The following CILK1 variants were observed in gnomAD, a reference collection of about 807,000 sequenced individuals.
CILK1 encodes the protein serine/threonine-protein kinase ICK.
Under a neutral mutation model 79.2 loss-of-function variants are expected in CILK1, and 47 were observed. The ratio of observed to expected loss-of-function variants is 0.59; its 90% CI spans 0.47 to 0.76. The LOEUF is 0.76. Ranked by LOEUF, CILK1 falls within the 30% of genes least tolerant of loss-of-function variation. CILK1 has a pLI of 0.00. For missense variants in CILK1, 660 were observed against 769.5 expected, an observed-to-expected ratio of 0.86 and a Z score of 1.68; for synonymous variants, 266 against 275.9, an observed-to-expected ratio of 0.96 and a Z score of 0.36.
chr6:53,016,253 G>A lies in CILK1; in HGVS notation c.664-3C>T. 6.2e-7 allele frequency: 1 copy of A among 1,613,936 alleles called. No individual in the cohort carries two copies. Among genetic ancestry groups the A allele is most frequent in the East Asian group, 2.2e-5 (1 of 44,876 alleles). On this transcript the variant is annotated splice_region_variant and splice_polypyrimidine_tract_variant and intron_variant, in intron 7 of 13. Transcript: ENST00000676107. ...TGATAGCCTTCAGGCCAGTCAGTCT[G>A]AAAGAAGGAAAAGATAGAAAATCTT...
chr6:53,033,451 T>C (rs1766101348), intron 3 of CILK1, among the ~76,000 whole-genome samples: 1 of 152,316 alleles, frequency 6.6e-6, no homozygotes, highest in South Asian at 2.1e-4. Context: ...GCTAGTTCTG[T>C]TGATAGTGAA....
chr6:53,056,385 C>T (rs969741779), intron 1 of CILK1, among the ~76,000 whole-genome samples: 3 of 152,174 alleles, frequency 2.0e-5, no homozygotes, highest in African/African-American at 7.2e-5. Context: ...TCTCCATCTC[C>T]GTCACAACTC....
At chr6:53,027,885 T>C (rs222456) in intron 5 of CILK1, among the ~76,000 whole-genome samples, 141,186 of 152,032 alleles carry the variant, frequency 0.93, 65,640 homozygotes, top group East Asian at 1. Context: ...CAGTGGCTCA[T>C]GCCTGTAATC....
chr6:53,013,738 T>G lies in CILK1; in HGVS notation c.1076A>C (p.Asp359Ala), dbSNP rs1292060651. The change falls in exon 9 of 14, where the codon GAT becomes GCT. Residue 359 changes from aspartate (D) to alanine (A), a missense_variant. Asp to Ala is a moderately radical substitution (Grantham distance 126). Transcript: ENST00000676107. ...GTCCTCCTGGAGATGGCTTGGGTGA[T>G]CTGTCCTGGAGACCTCTGCTTTGTA... The part of the protein sequence containing the change: ...YPYKAEVSRT[D>A]HPSHLQEDKP... 2 of 1,614,116 alleles carry G rather than the reference T, an allele frequency of 1.2e-6. No homozygotes were observed. The highest frequency in any genetic ancestry group is 2.2e-5 in the South Asian group (2 of 91,070).
chr6:53,054,157 G>T (rs979611758), intron 1 of CILK1, among the ~76,000 whole-genome samples: 1 of 152,046 alleles, frequency 6.6e-6, no homozygotes, highest in Non-Finnish European at 1.5e-5. Flanking sequence ...ATTAAACATC[G>T]ATTCCTTCTC....
rs77785758 is a variant in CILK1, at chr6:53,033,023, C to T, written c.157-369G>A. 2.2e-4 allele frequency among the ~76,000 whole-genome samples: 34 copies of T among 152,272 alleles called. No individual in the cohort carries two copies. The East Asian group carries it at 6.4e-3, about 29-fold the overall frequency. The stretch of plus-strand genomic sequence containing the variant: ...AAAAGAAGCTTAGATTTTTCTAGCA[C>T]TGGAGAATTTGCAGCTGCAGTGGGC... On this transcript the variant is annotated intron_variant, in intron 3 of 13. Transcript: ENST00000676107.
chr6:53,026,246 C>A (rs1007336429), intron 5 of CILK1, among the ~76,000 whole-genome samples: 7 of 152,164 alleles, frequency 4.6e-5, no homozygotes, highest in African/African-American at 1.7e-4. Context: ...CTCACTGCAA[C>A]CTTTGCCTCC....
intron 1 of CILK1, among the ~76,000 whole-genome samples, chr6:53,043,129 A>C (rs906145868): frequency 6.6e-6 from 1 of 152,066 alleles, no homozygotes; most frequent in African/African-American, 2.4e-5. Context: ...CAGCCTGGCC[A>C]ACATGGTGAA....
At chr6:53,060,196 A>G (rs1309839616) in intron 1 of CILK1, among the ~76,000 whole-genome samples, 1 of 152,232 alleles carries the variant, frequency 6.6e-6, no homozygotes, top group Non-Finnish European at 1.5e-5. Context: ...AAACTGCTAA[A>G]TGGCTTGTTT....
intron 1 of CILK1, among the ~76,000 whole-genome samples, chr6:53,058,793 T>A (rs72934807): frequency 0.01 from 1,517 of 151,430 alleles, 11 homozygotes; most frequent in Non-Finnish European, 0.017. Context: ...ATACACACAC[T>A]CACATAGATC....
intron 11 of CILK1, among the ~76,000 whole-genome samples, chr6:53,010,398 C>T (rs553424058): frequency 6.6e-6 from 1 of 152,220 alleles, no homozygotes; most frequent in African/African-American, 2.4e-5. Flanking sequence ...TCTCCCTCAC[C>T]TGGATGACAG....
chr6:53,035,008 T>C (rs568681815), intron 3 of CILK1, among the ~76,000 whole-genome samples: 1 of 152,294 alleles, frequency 6.6e-6, no homozygotes, highest in East Asian at 1.9e-4. Flanking sequence ...AGTTTGGTTC[T>C]GAGGGAGACT....
chr6:53,028,079 G>A (rs1051398067), intron 5 of CILK1, among the ~76,000 whole-genome samples: 7 of 148,464 alleles, frequency 4.7e-5, no homozygotes, highest in African/African-American at 1.3e-4. Context: ...CCTGGGAGGC[G>A]GAACTTGCAG....
At chr6:53,022,307 G>T (rs1765296355) in intron 5 of CILK1, among the ~76,000 whole-genome samples, 1 of 152,102 alleles carries the variant, frequency 6.6e-6, no homozygotes, top group Non-Finnish European at 1.5e-5. Flanking sequence ...TTTCCTGCAA[G>T]CTCCATTCAC....
At chr6:53,010,227 G>A (rs936035717) in intron 11 of CILK1, among the ~76,000 whole-genome samples, 1 of 152,198 alleles carries the variant, frequency 6.6e-6, no homozygotes, top group Non-Finnish European at 1.5e-5. Flanking sequence ...CCTGGGGCCT[G>A]TCAGGCCAAT....
intron 1 of CILK1, among the ~76,000 whole-genome samples, chr6:53,053,507 A>G (rs1029559231): frequency 3.3e-5 from 5 of 152,342 alleles, no homozygotes; most frequent in Middle Eastern, 3.4e-3. Context: ...AGGTACTATT[A>G]CAATTATCCC....
At chr6:53,054,791 A>AT (rs1767732828) in intron 1 of CILK1, 1 of 152,220 alleles carries the variant, frequency 6.6e-6, no homozygotes. Flanking sequence ...GCTAGGTGAC[A>AT]TTGGGGAAAA....
chr6:53,009,499 T>C lies in CILK1; in HGVS notation c.1561A>G (p.Ser521Gly). 1 of 1,612,868 alleles carries C rather than the reference T, an allele frequency of 6.2e-7. No individual in the cohort carries two copies. The highest frequency in any genetic ancestry group is 2.2e-5 in the East Asian group (1 of 44,884). ...KEFIPPNPWS[S>G]SGLSGKSSGT... ...GAAGATTTTCCAGACAAGCCAGAAC[T>C]AGACCATGGATTAGGTGGAATAAAT... Residue 521 changes from serine (S) to glycine (G), a missense_variant, in exon 12 of 14, where the codon AGT becomes GGT. Ser to Gly is a moderately conservative substitution (Grantham distance 56). Transcript: ENST00000676107.
At chr6:53,035,741 C>T (rs916559009) in intron 3 of CILK1, among the ~76,000 whole-genome samples, 2 of 152,174 alleles carry the variant, frequency 1.3e-5, no homozygotes, top group Admixed American at 1.3e-4. Context: ...GCTGGCAGGA[C>T]ATGAGAAACG....
Sources: allele counts gnomAD v4.1 joint callset (sites outside exome capture counted in the v4.1 genomes callset), GRCh38; gene constraint gnomAD v4.1.1; transcripts MANE v1.5; gene names NCBI Gene and HGNC (gene_info 2026-07-23, HGNC 2026-07-21).